The following ZBTB8B variants were observed in gnomAD, a reference collection of about 807,000 sequenced individuals.
ZBTB8B encodes the protein zinc finger and BTB domain-containing protein 8B.
ZBTB8B carries 17 observed loss-of-function variants against 30.3 expected under a neutral mutation model. The observed-to-expected ratio is 0.56, with a 90% CI of 0.38 to 0.84. The LOEUF is 0.84. Among genes scored for constraint, ZBTB8B ranks in the 40% least tolerant of loss-of-function variants. The pLI is 0.00. For synonymous variants in ZBTB8B, 248 were observed against 255.6 expected, an observed-to-expected ratio of 0.97 and a Z score of 0.28; for missense variants, 515 against 644.9, an observed-to-expected ratio of 0.80 and a Z score of 2.18.
intron 1 of ZBTB8B, among the ~76,000 whole-genome samples, chr1:32,466,953 G>A (rs1643575822): frequency 6.6e-6 from 1 of 152,106 alleles, no homozygotes. Flanking sequence ...AGACCATTGA[G>A]ACCAGCCAGG....
chr1:32,477,509 G>T (rs1319889372), intron 2 of ZBTB8B, among the ~76,000 whole-genome samples: 1 of 152,174 alleles, frequency 6.6e-6, no homozygotes. Flanking sequence ...GTGGTACAAA[G>T]CTAAGGTGAT....
At chr1:32,475,080 G>T (rs1643652500) in intron 2 of ZBTB8B, among the ~76,000 whole-genome samples, 1 of 152,250 alleles carries the variant, frequency 6.6e-6, no homozygotes, top group South Asian at 2.1e-4. Flanking sequence ...CTGGCCCCTG[G>T]CCATGCCCTG....
At position 32,491,923 on chromosome 1, in the gene ZBTB8B, T is replaced by C. The variant is rs781054168; in HGVS notation, c.*6505T>C. On this transcript the variant is annotated 3_prime_UTR_variant, in exon 4 of 4. Coordinates refer to ENST00000609129, the MANE Select transcript of ZBTB8B (RefSeq NM_001145720.2). ...GCTTTGTTAATACTTTGCCAAACACTATGCTAAGCAATTGCATAACAGATA... is the reference window on the plus strand; with the variant it reads ...GCTTTGTTAATACTTTGCCAAACACCATGCTAAGCAATTGCATAACAGATA... 6.6e-6 allele frequency: 1 copy of C among 152,112 alleles called. No homozygotes were observed. The highest frequency in any genetic ancestry group is 1.5e-5 in the Non-Finnish European group (1 of 68,022). The allele number at this position is 152,112 out of a possible 1,614,324, so 9.4% of individuals were successfully genotyped here. A position where few individuals can be genotyped will look rare whatever the true frequency, so the allele number is the denominator to read the frequency against.
At position 32,470,775 on chromosome 1, in the gene ZBTB8B, G is replaced by A. The variant is rs992699685; in HGVS notation, c.151G>A (p.Ala51Thr). 1.9e-6 allele frequency: 3 copies of A among 1,551,772 alleles called. No homozygotes were observed. Among genetic ancestry groups the A allele is most frequent in the Non-Finnish European group, 2.6e-6 (3 of 1,147,012 alleles). Reference sequence around the variant, plus strand: ...GTTTGCTAACAGCGGCTACTTCCGAGCCCTGCTCATTCACTATATCCAGGA... The same window carrying A: ...GTTTGCTAACAGCGGCTACTTCCGAACCCTGCTCATTCACTATATCCAGGA... Reference protein sequence around the residue: ...ILFANSGYFRALLIHYIQDSG... With the variant: ...ILFANSGYFRTLLIHYIQDSG... Residue 51 changes from alanine to threonine, a missense_variant, in exon 2 of 4, where the codon GCC (alanine) becomes ACC (threonine). By Grantham distance (58) the Ala-to-Thr change is moderately conservative. Around this residue, in one of 3 missense-constraint regions of ZBTB8B, gnomAD observed 61 missense variants for 117.7 expected, o/e 0.52. Coordinates refer to ENST00000609129, the MANE Select transcript of ZBTB8B (RefSeq NM_001145720.2).
chr1:32,479,225 TAGAG>T (rs1356774430), intron 2 of ZBTB8B, among the ~76,000 whole-genome samples: 12 of 152,238 alleles, frequency 7.9e-5, no homozygotes, highest in Middle Eastern at 3.4e-3. Context: ...AGGGCATGGA[TAGAG>T]AGAACAAATC....
At chr1:32,471,673 C>G (rs770076786) in intron 2 of ZBTB8B, 58 bp downstream of exon 2, 27 of 1,488,556 alleles carry the variant, frequency 1.8e-5, no homozygotes, top group African/African-American at 2.8e-5. Flanking sequence ...CTGTCTGTGC[C>G]TTGTGTTCTC....
At chr1:32,472,656 C>A (rs1255206256) in intron 2 of ZBTB8B, among the ~76,000 whole-genome samples, 1 of 152,224 alleles carries the variant, frequency 6.6e-6, no homozygotes, top group African/African-American at 2.4e-5. Context: ...CTCTGTCACC[C>A]AGGCTGGAGT....
chr1:32,471,588 C>G lies in ZBTB8B; in HGVS notation c.964C>G (p.Gln322Glu). 6.4e-7 allele frequency: 1 copy of G among 1,551,640 alleles called. No homozygotes were observed. Among genetic ancestry groups the G allele is most frequent in the Non-Finnish European group, 8.7e-7 (1 of 1,146,898 alleles). Residue 322 changes from glutamine (Q) to glutamate (E), a missense_variant, in exon 2 of 4, where the codon CAG becomes GAG. Gln to Glu is a conservative substitution (Grantham distance 29). Transcript: ENST00000609129. The stretch of plus-strand genomic sequence containing the variant: ...AGCCATGAGTTCCATGATGGATGTC[C>G]AGGCTGACTGGTATGGAGAGGACTC... ...GVAMSSMMDVQADWYGEDSGD... is the reference protein window; with the variant it reads ...GVAMSSMMDVEADWYGEDSGD...
rs1643794844 is a variant in ZBTB8B at position 32,493,547 on chromosome 1, G to A, written c.*8129G>A. The A allele has an allele frequency of 1.3e-5, 2 of 151,806 alleles. No homozygotes were observed. The highest frequency in any genetic ancestry group is 6.6e-5 in the Admixed American group (1 of 15,244). The allele number at this position is 151,806 out of a possible 1,614,324, so 9.4% of individuals were successfully genotyped here. On this transcript the variant is annotated 3_prime_UTR_variant, in exon 4 of 4. Transcript: ENST00000609129. ...GGTCAACGGGGGTGGATCACCTGAGGTCAGGAGTTAAAGACCAGCCTGGCC... is the reference window on the plus strand; with the variant it reads ...GGTCAACGGGGGTGGATCACCTGAGATCAGGAGTTAAAGACCAGCCTGGCC...
chr1:32,493,169 A>T lies in ZBTB8B; in HGVS notation c.*7751A>T, dbSNP rs1570268439. The T allele has an allele frequency of 1.3e-5, 2 of 151,724 alleles. No individual in the cohort carries two copies. Among genetic ancestry groups the T allele is most frequent in the East Asian group, 3.9e-4 (2 of 5,110 alleles). The allele number at this position is 151,724 out of a possible 1,614,324, so 9.4% of individuals were successfully genotyped here. On this transcript the variant is annotated 3_prime_UTR_variant, in exon 4 of 4. Coordinates refer to ENST00000609129, the MANE Select transcript of ZBTB8B (RefSeq NM_001145720.2). ...TTTGTTTTTTTTGTTTTTTTGACAG[A>T]CTCTCACTCTGTCGCCAGGCTGGAG...
Position 32,495,225 on chromosome 1 carries a change from G to C in ZBTB8B, c.*9807G>C, listed in dbSNP as rs1032209827. On this transcript the variant is annotated 3_prime_UTR_variant, in exon 4 of 4. Transcript: ENST00000609129. ...TGATAAGATGGTATTGAGTAAAAAT[G>C]TATTCTTAGGTATTTCTTGACTCAG... 1 of 152,168 alleles carries C rather than the reference G, an allele frequency of 6.6e-6. No individual in the cohort carries two copies. The highest frequency in any genetic ancestry group is 6.5e-5 in the Admixed American group (1 of 15,274). The allele number at this position is 152,168 out of a possible 1,614,324, so 9.4% of individuals were successfully genotyped here. A position where few individuals can be genotyped will look rare whatever the true frequency, so the allele number is the denominator to read the frequency against.
At chr1:32,473,494 T>C (rs1030227352) in intron 2 of ZBTB8B, among the ~76,000 whole-genome samples, 1 of 146,588 alleles carries the variant, frequency 6.8e-6, no homozygotes, top group Middle Eastern at 3.4e-3. Flanking sequence ...TATTCATTAC[T>C]AAATGGCTGT....
chr1:32,467,080 C>T (rs1557679881), intron 1 of ZBTB8B, among the ~76,000 whole-genome samples: 1 of 152,116 alleles, frequency 6.6e-6, no homozygotes, highest in Non-Finnish European at 1.5e-5. Flanking sequence ...TTGCTTGAGC[C>T]TGGGAGGTCG....
At chr1:32,476,765 G>A (rs140791232) in intron 2 of ZBTB8B, among the ~76,000 whole-genome samples, 130 of 151,040 alleles carry the variant, frequency 8.6e-4, no homozygotes, top group African/African-American at 3.0e-3. Flanking sequence ...CTCCAGCCTG[G>A]GCAACAGAGC....
chr1:32,485,429 G>T lies in ZBTB8B; in HGVS notation c.*11G>T. On this transcript the variant is annotated 3_prime_UTR_variant, in exon 4 of 4. Coordinates refer to ENST00000609129, the MANE Select transcript of ZBTB8B (RefSeq NM_001145720.2). ...GAGACACTTACGTAGCAATAAATTG[G>T]TGGGGAAGAGGAGGTTTTAAAACTT... is the stretch of plus-strand genomic sequence containing the variant. 2 of 1,544,430 alleles carry T rather than the reference G, an allele frequency of 1.3e-6. No individual in the cohort carries two copies. Among genetic ancestry groups the T allele is most frequent in the South Asian group, 2.4e-5 (2 of 83,858 alleles).
intron 1 of ZBTB8B, among the ~76,000 whole-genome samples, chr1:32,466,503 G>A (rs1422084891): frequency 6.6e-6 from 1 of 152,178 alleles, no homozygotes; most frequent in East Asian, 1.9e-4. Context: ...TCTGGGATAA[G>A]TGGTGATCCT....
rs1643744872 is a variant in ZBTB8B at position 32,486,333 on chromosome 1, T to C, written c.*915T>C. 6.6e-6 allele frequency: 1 copy of C among 152,252 alleles called. No homozygotes were observed. Among genetic ancestry groups the C allele is most frequent in the African/African-American group, 2.4e-5 (1 of 41,448 alleles). The allele number at this position is 152,252 out of a possible 1,614,324, so 9.4% of individuals were successfully genotyped here. A position where few individuals can be genotyped will look rare whatever the true frequency, so the allele number is the denominator to read the frequency against. ...ATTGGGGCTTAGCCCAGAGGAGTTC[T>C]TGGCTTCACCCAGGAAAGAATTCAA... On this transcript the variant is annotated 3_prime_UTR_variant, in exon 4 of 4. Transcript: ENST00000609129.
chr1:32,491,941 A>T lies in ZBTB8B; in HGVS notation c.*6523A>T, dbSNP rs2148189451. 6.6e-6 allele frequency: 1 copy of T among 152,368 alleles called. No homozygotes were observed. The highest frequency in any genetic ancestry group is 2.4e-5 in the African/African-American group (1 of 41,592). 9.4% of individuals were successfully genotyped at this position (152,368 alleles called of 1,614,324 possible). A position where few individuals can be genotyped will look rare whatever the true frequency, so the allele number is the denominator to read the frequency against. ...CAAACACTATGCTAAGCAATTGCAT[A>T]ACAGATATTACACCTAATTCCTATA... On this transcript the variant is annotated 3_prime_UTR_variant, in exon 4 of 4. Coordinates refer to ENST00000609129, the MANE Select transcript of ZBTB8B (RefSeq NM_001145720.2).
In ZBTB8B at chr1:32,485,224, G is replaced by C; in HGVS notation, c.1294G>C (p.Asp432His). The change falls in exon 4 of 4, where the codon GAT (aspartate) becomes CAT (histidine). Residue 432 changes from aspartate to histidine, a missense_variant. Physicochemically the swap from Asp to His is moderately conservative, Grantham distance 81 (BLOSUM62 -1). This residue lies in a region of ZBTB8B where 429 missense variants were observed against 504.3 expected (regional missense o/e 0.85). Coordinates refer to ENST00000609129, the MANE Select transcript of ZBTB8B (RefSeq NM_001145720.2). ...CTGCACCTGCGTTACAGACACACCC[G>C]ATGATGATGATGATTTGATGCCCAT... ...DSCTCVTDTP[D>H]DDDDLMPINL... is the part of the protein sequence containing the mutation. 2 of 1,551,576 alleles carry C rather than the reference G, an allele frequency of 1.3e-6. No homozygotes were observed. The highest frequency in any genetic ancestry group is 1.7e-6 in the Non-Finnish European group (2 of 1,146,800).
Sources: allele counts gnomAD v4.1 joint callset (sites outside exome capture counted in the v4.1 genomes callset), GRCh38; gene constraint gnomAD v4.1.1; regional missense constraint gnomAD v4.1.1; transcripts MANE v1.5; gene names NCBI Gene and HGNC (gene_info 2026-07-23, HGNC 2026-07-21).